Variants in ROBO2 observed in about 807,000 individuals in gnomAD.
The protein encoded by ROBO2 is roundabout guidance receptor 2, also known as roundabout homolog 2.
Under a neutral mutation model 160.8 loss-of-function variants are expected in ROBO2, and 53 were observed. The ratio of observed to expected loss-of-function variants is 0.33; its 90% CI spans 0.26 to 0.41. The LOEUF (loss-of-function observed/expected upper bound fraction) is 0.41. Among genes scored for constraint, ROBO2 ranks in the 10% least tolerant of loss-of-function variants. The pLI is 1.00. For synonymous variants in ROBO2, 664 were observed against 611.7 expected (o/e 1.09, Z -1.26); for missense variants, 1,577 against 1,722.4 (o/e 0.92, Z 1.49).
chr3:76,675,510 G>A lies in ROBO2; in HGVS notation c.110-422504G>A, dbSNP rs148197221. On this transcript the variant is annotated intron_variant, in intron 2 of 26. Transcript: ENST00000487694. ...ATATAGCCATCATGGAAGGGTTCAT[G>A]AATGCTTTGAAGTCCAGATCTTACA... Among the ~76,000 whole-genome samples the A allele has an allele frequency of 9.3e-3, 1,410 of 152,226 alleles. 22 individuals carry two copies. The highest frequency in any genetic ancestry group is 0.032 in the African/African-American group (1,313 of 41,540).
At chr3:77,168,845 G>C (rs2079354196) in intron 2 of ROBO2, among the ~76,000 whole-genome samples, 1 of 152,156 alleles carries the variant, frequency 6.6e-6, no homozygotes, top group African/African-American at 2.4e-5. Context: ...GTCTACCTCA[G>C]GGAAGGACCA....
intron 2 of ROBO2, among the ~76,000 whole-genome samples, chr3:77,296,955 G>C (rs184463020): frequency 8.5e-5 from 13 of 152,170 alleles, no homozygotes; most frequent in Non-Finnish European, 1.8e-4. Flanking sequence ...TGCTTTTCTC[G>C]CATACTTTGA....
intron 6 of ROBO2, among the ~76,000 whole-genome samples, chr3:77,538,023 T>A (rs1559566388): frequency 6.6e-6 from 1 of 151,948 alleles, no homozygotes; most frequent in African/African-American, 2.4e-5. Flanking sequence ...TACTATGGAA[T>A]AAGGATTTTT....
intron 2 of ROBO2, among the ~76,000 whole-genome samples, chr3:76,406,428 C>G (rs10511047): frequency 0.19 from 28,090 of 151,744 alleles, 3,065 homozygotes; most frequent in African/African-American, 0.3. Flanking sequence ...TGTGATATTT[C>G]TAGTCCTTGT....
At chr3:77,466,012 A>C (rs1158279450) in intron 2 of ROBO2, among the ~76,000 whole-genome samples, 1 of 152,184 alleles carries the variant, frequency 6.6e-6, no homozygotes, top group Non-Finnish European at 1.5e-5. Flanking sequence ...TTTATGGTAG[A>C]TGGGTAATGA....
At chr3:76,707,983 G>T (rs188683724) in intron 2 of ROBO2, among the ~76,000 whole-genome samples, 2 of 152,096 alleles carry the variant, frequency 1.3e-5, no homozygotes, top group Admixed American at 6.6e-5. Flanking sequence ...GAGAAGATTT[G>T]TCTCTCAAAT....
intron 2 of ROBO2, among the ~76,000 whole-genome samples, chr3:77,009,369 A>T (rs1241851299): frequency 6.6e-6 from 1 of 152,224 alleles, no homozygotes; most frequent in Non-Finnish European, 1.5e-5. Context: ...TAGAGTAAAT[A>T]TTCAAACAAT....
intron 22 of ROBO2, among the ~76,000 whole-genome samples, chr3:77,620,374 A>G (rs779408160): frequency 2.6e-5 from 4 of 152,158 alleles, no homozygotes; most frequent in Non-Finnish European, 5.9e-5. Context: ...CTGTATTTCA[A>G]TTTACCTCTT....
chr3:77,028,165 G>A (rs917349810), intron 2 of ROBO2, among the ~76,000 whole-genome samples: 6 of 152,062 alleles, frequency 3.9e-5, no homozygotes, highest in Admixed American at 2.0e-4. Flanking sequence ...AACTGCCAAC[G>A]TTTTTCTCAA....
intron 21 of ROBO2, among the ~76,000 whole-genome samples, chr3:77,608,375 G>A (rs1180269394): frequency 6.6e-6 from 1 of 152,152 alleles, no homozygotes; most frequent in African/African-American, 2.4e-5. Flanking sequence ...CCACTGTAGA[G>A]CACCATCACA....
chr3:75,958,923 G>A (rs1169249294), intron 2 of ROBO2, among the ~76,000 whole-genome samples: 1 of 151,744 alleles, frequency 6.6e-6, no homozygotes, highest in Non-Finnish European at 1.5e-5. Context: ...TATAGATGAG[G>A]TGAGGTATCC....
chr3:76,699,967 T>A (rs1475738697), intron 2 of ROBO2, among the ~76,000 whole-genome samples: 2 of 152,056 alleles, frequency 1.3e-5, no homozygotes, highest in African/African-American at 2.4e-5. Context: ...TGGCCTCATG[T>A]CCCTTTTGGG....
intron 2 of ROBO2, among the ~76,000 whole-genome samples, chr3:76,271,267 A>G (rs1307850612): frequency 6.6e-6 from 1 of 152,060 alleles, no homozygotes; most frequent in Non-Finnish European, 1.5e-5. Flanking sequence ...CTTTGACTGC[A>G]AAACTTGTTA....
intron 2 of ROBO2, among the ~76,000 whole-genome samples, chr3:76,211,061 T>C (rs1021544882): frequency 3.3e-5 from 5 of 152,074 alleles, no homozygotes; most frequent in Admixed American, 1.3e-4. Flanking sequence ...TCACCTGATA[T>C]CAACTTAACT....
chr3:77,533,114 A>T (rs1239852830), intron 6 of ROBO2, among the ~76,000 whole-genome samples: 1 of 152,184 alleles, frequency 6.6e-6, no homozygotes, highest in Non-Finnish European at 1.5e-5. Context: ...GTAGCAGGGT[A>T]ATTCAATAAC....
At chr3:76,404,189 T>C (rs2078003811) in intron 2 of ROBO2, among the ~76,000 whole-genome samples, 1 of 151,650 alleles carries the variant, frequency 6.6e-6, no homozygotes, top group African/African-American at 2.4e-5. Context: ...CACATTCACA[T>C]AGAAGGATTG....
At chr3:76,907,944 A>G (rs1433398285) in intron 2 of ROBO2, among the ~76,000 whole-genome samples, 14 of 151,680 alleles carry the variant, frequency 9.2e-5, no homozygotes, top group South Asian at 2.1e-4. Flanking sequence ...GGTTCAAGCA[A>G]TTCTCCTGCC....
At chr3:76,665,677 GT>G (rs1291055662) in intron 2 of ROBO2, among the ~76,000 whole-genome samples, 1 of 150,850 alleles carries the variant, frequency 6.6e-6, no homozygotes, top group Non-Finnish European at 1.5e-5. Flanking sequence ...ACTTCCTTTG[GT>G]TCTTGACACT....
chr3:77,545,469 G>A (rs771878999), intron 6 of ROBO2, among the ~76,000 whole-genome samples: 5 of 152,014 alleles, frequency 3.3e-5, no homozygotes, highest in East Asian at 3.9e-4. Flanking sequence ...ATTGTGTTTC[G>A]TATATATACA....
Sources: gnomAD v4.1 joint callset for allele counts (sites outside exome capture counted in the v4.1 genomes callset) on GRCh38, gnomAD v4.1.1 for gene constraint, MANE v1.5 for transcripts, NCBI Gene and HGNC (gene_info 2026-07-23, HGNC 2026-07-21) for gene names.